The following GFOD2 variants were observed in gnomAD, a reference collection of about 807,000 sequenced individuals.
GFOD2 encodes the protein glucose-fructose oxidoreductase domain-containing protein 2.
GFOD2 carries 9 observed loss-of-function variants against 24.6 expected under a neutral mutation model. The ratio of observed to expected loss-of-function variants is 0.37; its 90% CI spans 0.22 to 0.64. The LOEUF is 0.64. GFOD2 is among the 30% of genes least tolerant of loss of function. The probability of loss-of-function intolerance (pLI) is 0.65; values close to 1 mark genes in which losing one functional copy is unlikely to be tolerated. For missense variants in GFOD2, 476 were observed against 532.5 expected, an observed-to-expected ratio of 0.89 and a Z score of 1.04; for synonymous variants, 211 against 224.8, an observed-to-expected ratio of 0.94 and a Z score of 0.55.
At chr16:67,705,752 A>AAC (rs2053434495) in intron 1 of GFOD2, among the ~76,000 whole-genome samples, 1 of 151,878 alleles carries the variant, frequency 6.6e-6, no homozygotes, top group Non-Finnish European at 1.5e-5. Context: ...CAGCCTGGCC[A>AAC]ACATCGTGAT....
chr16:67,710,296 T>C (rs1425835459), intron 1 of GFOD2, among the ~76,000 whole-genome samples: 1 of 148,684 alleles, frequency 6.7e-6, no homozygotes, highest in Non-Finnish European at 1.5e-5. Context: ...AGCCCTGTAT[T>C]TTTAGTAGAA....
chr16:67,684,671 G>C (rs2053252625), intron 2 of GFOD2: 1 of 846,638 alleles, frequency 1.2e-6, no homozygotes, highest in Non-Finnish European at 1.4e-6. Flanking sequence ...ACTCCAGCCT[G>C]GGCAACAAGA....
intron 2 of GFOD2, 94 bp from the exon 3 acceptor site, chr16:67,676,147 C>A (rs1232901234): frequency 3.3e-6 from 4 of 1,230,304 alleles, no homozygotes; most frequent in Middle Eastern, 2.6e-4. Context: ...CTCTGCCTTA[C>A]AACTGCACGA....
intron 1 of GFOD2, among the ~76,000 whole-genome samples, chr16:67,692,607 AC>A (rs2053322853): frequency 6.6e-6 from 1 of 151,572 alleles, no homozygotes; most frequent in Non-Finnish European, 1.5e-5. Context: ...ACAAAAACCC[AC>A]ACACATGCAC....
intron 2 of GFOD2, chr16:67,682,514 C>T (rs2053234626): frequency 1.0e-6 from 1 of 985,238 alleles, no homozygotes; most frequent in African/African-American, 1.7e-5. Flanking sequence ...TATATTAGGG[C>T]CCTTCCCCTC....
chr16:67,709,090 C>A (rs1025049080), intron 1 of GFOD2, among the ~76,000 whole-genome samples: 2 of 151,936 alleles, frequency 1.3e-5, no homozygotes. Flanking sequence ...ATCACTTGAG[C>A]CCAAGAGTTT....
intron 1 of GFOD2, among the ~76,000 whole-genome samples, chr16:67,707,877 T>C (rs2053449338): frequency 6.6e-6 from 1 of 151,844 alleles, no homozygotes. Context: ...TTATGTAGAG[T>C]GAAAGATGGC....
intron 2 of GFOD2, chr16:67,682,366 A>G: frequency 2.0e-6 from 2 of 985,332 alleles, no homozygotes; most frequent in East Asian, 1.1e-4. Flanking sequence ...AATGAACCAC[A>G]GAAGTGCCAA....
intron 1 of GFOD2, among the ~76,000 whole-genome samples, chr16:67,692,141 C>A (rs1298350731): frequency 6.8e-6 from 1 of 148,044 alleles, no homozygotes; most frequent in East Asian, 2.0e-4. Context: ...CAGAAGTGGG[C>A]AGGTAAAGTG....
At chr16:67,718,839 C>A (rs1484100519) in intron 1 of GFOD2, among the ~76,000 whole-genome samples, 1 of 152,228 alleles carries the variant, frequency 6.6e-6, no homozygotes. Context: ...TCAGGTGGTC[C>A]GCTCGGCACA....
At chr16:67,681,530 T>C in intron 2 of GFOD2, 1 of 604,596 alleles carries the variant, frequency 1.7e-6, no homozygotes, top group Non-Finnish European at 2.1e-6. Flanking sequence ...CACCTCAGCC[T>C]CCCAAGTAGC....
chr16:67,680,929 G>A (rs866351757), intron 2 of GFOD2: 7 of 985,274 alleles, frequency 7.1e-6, no homozygotes, highest in African/African-American at 1.7e-5. Context: ...GTACTAGCAG[G>A]ACAATAAAGA....
chr16:67,683,954 G>A, intron 2 of GFOD2: 1 of 1,007,312 alleles, frequency 9.9e-7, no homozygotes, highest in Non-Finnish European at 1.2e-6. Context: ...CTTGTAATGT[G>A]TGTTATTTCT....
intron 1 of GFOD2, among the ~76,000 whole-genome samples, chr16:67,690,474 C>T (rs2053303777): frequency 1.3e-5 from 2 of 151,198 alleles, no homozygotes; most frequent in South Asian, 2.1e-4. Context: ...CTTGAACTCC[C>T]GACTTCAAGT....
In GFOD2 at chr16:67,675,771, T is replaced by C; in HGVS notation, c.542A>G (p.Tyr181Cys). 6 of 1,614,150 alleles carry C rather than the reference T, an allele frequency of 3.7e-6. No homozygotes were observed. Among genetic ancestry groups the C allele is most frequent in the Non-Finnish European group, 4.2e-6 (5 of 1,180,038 alleles). Residue 181 changes from tyrosine to cysteine, a missense_variant, in exon 3 of 3, where the codon TAC becomes TGC. By Grantham distance (194) the Tyr-to-Cys change is radical. Coordinates refer to ENST00000268797, the MANE Select transcript of GFOD2 (RefSeq NM_030819.4). ...GGGGLHTMGT[Y>C]IVDLLTHLTG... is the part of the protein sequence containing the mutation. Reference sequence around the variant, plus strand: ...CAGGTGGGTCAGCAGGTCCACAATGTAGGTCCCCATGGTGTGCAAGCCCCC... The same window carrying C: ...CAGGTGGGTCAGCAGGTCCACAATGCAGGTCCCCATGGTGTGCAAGCCCCC...
At chr16:67,679,331 C>G (rs1438958803) in intron 2 of GFOD2, among the ~76,000 whole-genome samples, 1 of 150,400 alleles carries the variant, frequency 6.6e-6, no homozygotes, top group Non-Finnish European at 1.5e-5. Flanking sequence ...CTCCTGGGTT[C>G]AAGTGACTTT....
chr16:67,713,725 T>C (rs943124674), intron 1 of GFOD2, among the ~76,000 whole-genome samples: 2 of 152,196 alleles, frequency 1.3e-5, no homozygotes, highest in Non-Finnish European at 2.9e-5. Flanking sequence ...CCTGTGTTTA[T>C]GGAGGCTTCA....
chr16:67,706,149 A>T (rs751503185), intron 1 of GFOD2, among the ~76,000 whole-genome samples: 1 of 151,686 alleles, frequency 6.6e-6, no homozygotes, highest in Non-Finnish European at 1.5e-5. Flanking sequence ...GCTAATTTTC[A>T]TATTTTTTGT....
chr16:67,693,400 G>A (rs922549230), intron 1 of GFOD2, among the ~76,000 whole-genome samples: 1 of 151,866 alleles, frequency 6.6e-6, no homozygotes, highest in Non-Finnish European at 1.5e-5. Flanking sequence ...GGGACTATAG[G>A]TGCGTGTCAT....
Sources: allele counts gnomAD v4.1 joint callset (sites outside exome capture counted in the v4.1 genomes callset), GRCh38; gene constraint gnomAD v4.1.1; transcripts MANE v1.5; gene names NCBI Gene and HGNC (gene_info 2026-07-23, HGNC 2026-07-21).